The following PTPRN2 variants were observed in gnomAD, a reference collection of about 807,000 sequenced individuals.
PTPRN2 encodes receptor-type tyrosine-protein phosphatase N2.
In PTPRN2, 74 loss-of-function variants were observed where a neutral mutation model predicts 118.8. The observed-to-expected ratio is 0.62, with a 90% CI of 0.52 to 0.76. The LOEUF is 0.76. Ranked by LOEUF, PTPRN2 falls within the 30% of genes least tolerant of loss-of-function variation. PTPRN2 has a pLI of 0.00. For missense variants in PTPRN2, 1,481 were observed against 1,394.4 expected, an observed-to-expected ratio of 1.06 and a Z score of -0.99; for synonymous variants, 641 against 608.0, an observed-to-expected ratio of 1.05 and a Z score of -0.80.
At chr7:157,607,533 G>A (rs187720714) in intron 15 of PTPRN2, among the ~76,000 whole-genome samples, 5 of 152,370 alleles carry the variant, frequency 3.3e-5, no homozygotes, top group Admixed American at 2.6e-4. Flanking sequence ...GCGCAGCCTG[G>A]AGCCCTCAGG....
chr7:157,774,105 G>C (rs528182414), intron 12 of PTPRN2, among the ~76,000 whole-genome samples: 1 of 152,340 alleles, frequency 6.6e-6, no homozygotes, highest in Non-Finnish European at 1.5e-5. Context: ...CTACTTACTA[G>C]GAGCTGGCTA....
chr7:157,847,518 G>A (rs112680983), intron 12 of PTPRN2, among the ~76,000 whole-genome samples: 3 of 130,302 alleles, frequency 2.3e-5, no homozygotes, highest in Non-Finnish European at 3.3e-5. Flanking sequence ...ATGCGTGCCC[G>A]ATGTCTACAG....
Position 157,576,666 on chromosome 7 carries a change from A to T in PTPRN2, c.2730T>A (p.Ser910Arg). 1 of 1,612,532 alleles carries T rather than the reference A, an allele frequency of 6.2e-7. No homozygotes were observed. Among genetic ancestry groups the T allele is most frequent in the Non-Finnish European group, 8.5e-7 (1 of 1,179,460 alleles). ...TRTVTQFHFL[S>R]WYDRGVPSSS... Reference sequence around the variant, plus strand: ...AGGAAGGGACTCCTCGGTCATACCAACTCAGGAAGTGGAACTGCGTCACGG... The same window carrying T: ...AGGAAGGGACTCCTCGGTCATACCATCTCAGGAAGTGGAACTGCGTCACGG... The change falls in exon 19 of 23, where the codon AGT becomes AGA. Residue 910 changes from serine (S) to arginine (R), a missense_variant. This residue lies in a region of PTPRN2 where 362 missense variants were observed against 384.1 expected (regional missense o/e 0.94). Transcript: ENST00000389418.
At chr7:158,270,946 C>CCCCACCTGGACCACCCCT (rs1798420898) in intron 3 of PTPRN2, among the ~76,000 whole-genome samples, 1 of 12,456 alleles carries the variant, frequency 8.0e-5, no homozygotes, top group Non-Finnish European at 1.5e-4. Context: ...GGACCACCCC[C>CCCCACCTGGACCACCCCT]CCACCTGGAC....
chr7:158,544,814 C>A lies in PTPRN2; in HGVS notation c.112+42744G>T, dbSNP rs1447488524. Reference sequence around the variant, plus strand: ...AACACAGAAGCACTGTCTGGGGCACCTGTTGTCCTGGGGTTCAAAGCCGCT... The same window carrying A: ...AACACAGAAGCACTGTCTGGGGCACATGTTGTCCTGGGGTTCAAAGCCGCT... On this transcript the variant is annotated intron_variant, in intron 1 of 22. Coordinates refer to ENST00000389418, the MANE Select transcript of PTPRN2 (RefSeq NM_002847.5). This position sits in a 1 kb window ranked among gnomAD's most constrained non-coding sequence, Gnocchi z 4.2. Among the ~76,000 whole-genome samples, 1 of 152,240 alleles carries A rather than the reference C, an allele frequency of 6.6e-6. No homozygotes were observed. Among genetic ancestry groups the A allele is most frequent in the Non-Finnish European group, 1.5e-5 (1 of 68,038 alleles).
intron 12 of PTPRN2, among the ~76,000 whole-genome samples, chr7:157,851,205 C>T (rs574910911): frequency 1.3e-5 from 2 of 152,340 alleles, no homozygotes; most frequent in Non-Finnish European, 2.9e-5. Flanking sequence ...CTTAACGAGG[C>T]TGTTTGGGTT....
At chr7:158,049,312 C>A (rs1056167581) in intron 11 of PTPRN2, among the ~76,000 whole-genome samples, 2 of 152,342 alleles carry the variant, frequency 1.3e-5, no homozygotes, top group African/African-American at 4.8e-5. Context: ...GCCATCTCCA[C>A]TCCCGATTCT....
At chr7:157,708,449 C>T (rs1377102482) in intron 12 of PTPRN2, among the ~76,000 whole-genome samples, 2 of 152,142 alleles carry the variant, frequency 1.3e-5, no homozygotes, top group African/African-American at 2.4e-5. Context: ...TCCAGATCAT[C>T]CTAAAGGTTG....
intron 3 of PTPRN2, among the ~76,000 whole-genome samples, chr7:158,315,140 C>G (rs1802201985): frequency 4.2e-5 from 4 of 94,146 alleles, no homozygotes; most frequent in African/African-American, 1.3e-4. Flanking sequence ...CAGAGGTGAA[C>G]CCGGGACCCC....
chr7:158,233,715 G>A (rs577430971), intron 3 of PTPRN2, among the ~76,000 whole-genome samples: 6 of 152,154 alleles, frequency 3.9e-5, no homozygotes, highest in South Asian at 2.1e-4. Flanking sequence ...ACCTGACTTC[G>A]AAATATGCTT....
Position 157,729,246 on chromosome 7 carries a change from T to G in PTPRN2, c.1789-46309A>C, listed in dbSNP as rs1015078786. ...TCATGTATTTTTAAAAAAGAATGAA[T>G]TTAAAACTCTAATCCACTTGGCCCA... On this transcript the variant is annotated intron_variant, in intron 12 of 22. Transcript: ENST00000389418. This position sits in a 1 kb window ranked among gnomAD's most constrained non-coding sequence, Gnocchi z 4.3. 6.6e-6 allele frequency among the ~76,000 whole-genome samples: 1 copy of G among 152,134 alleles called. No individual in the cohort carries two copies. The highest frequency in any genetic ancestry group is 2.1e-4 in the South Asian group (1 of 4,812).
intron 12 of PTPRN2, among the ~76,000 whole-genome samples, chr7:157,791,037 G>A (rs894096501): frequency 6.6e-6 from 1 of 152,132 alleles, no homozygotes; most frequent in African/African-American, 2.4e-5. Context: ...CAATAAAAAT[G>A]CACATACTTT....
chr7:157,836,965 A>C, intron 12 of PTPRN2, among the ~76,000 whole-genome samples: 3 of 122,384 alleles, frequency 2.5e-5, no homozygotes, highest in South Asian at 2.9e-4. Context: ...ACTCACCACC[A>C]CCTGTCCACA....
intron 17 of PTPRN2, among the ~76,000 whole-genome samples, chr7:157,588,104 C>T (rs940755617): frequency 5.9e-5 from 9 of 152,352 alleles, no homozygotes; most frequent in Non-Finnish European, 4.4e-5. Context: ...CAGACATCCA[C>T]TCCGCACCTG....
chr7:158,090,536 C>T lies in PTPRN2; in HGVS notation c.1644-9159G>A, dbSNP rs142253611. Reference sequence around the variant, plus strand: ...CTGAGTTCTTTATCACTCAGTGGTTCCACTTGATAGTTTACTATATATTGA... The same window carrying T: ...CTGAGTTCTTTATCACTCAGTGGTTTCACTTGATAGTTTACTATATATTGA... On this transcript the variant is annotated intron_variant, in intron 10 of 22. Transcript: ENST00000389418. 1.7e-3 allele frequency among the ~76,000 whole-genome samples: 254 copies of T among 152,284 alleles called. 3 individuals carry two copies. Among genetic ancestry groups the T allele is most frequent in the African/African-American group, 5.6e-3 (232 of 41,546 alleles).
chr7:158,105,818 A>G (rs765698549), intron 10 of PTPRN2, among the ~76,000 whole-genome samples: 3 of 151,256 alleles, frequency 2.0e-5, no homozygotes, highest in Non-Finnish European at 2.9e-5. Flanking sequence ...TCCTAGCTCC[A>G]TCTTACGCCA....
chr7:157,905,842 C>A (rs138844961), intron 11 of PTPRN2, among the ~76,000 whole-genome samples: 83 of 152,328 alleles, frequency 5.4e-4, no homozygotes, highest in African/African-American at 1.9e-3. Flanking sequence ...GCCTGGCCAG[C>A]TTTCTGGACG....
At chr7:157,766,222 CCCAT>C (rs1489788152) in intron 12 of PTPRN2, among the ~76,000 whole-genome samples, 3 of 148,382 alleles carry the variant, frequency 2.0e-5, no homozygotes, top group African/African-American at 7.5e-5. Flanking sequence ...CACCCACACA[CCCAT>C]CCATCCATCC....
At chr7:158,512,201 G>A (rs1251129691) in intron 1 of PTPRN2, among the ~76,000 whole-genome samples, 1 of 152,218 alleles carries the variant, frequency 6.6e-6, no homozygotes, top group Non-Finnish European at 1.5e-5. Flanking sequence ...AGCAGAGCCT[G>A]TAAAACTGAA....
Sources: allele counts gnomAD v4.1 joint callset (sites outside exome capture counted in the v4.1 genomes callset), GRCh38; gene constraint gnomAD v4.1.1; regional missense constraint gnomAD v4.1.1; non-coding constraint Gnocchi (gnomAD v3.1); transcripts MANE v1.5; gene names NCBI Gene and HGNC (gene_info 2026-07-23, HGNC 2026-07-21).